Variants in PLCB1 observed in about 807,000 individuals in gnomAD.
PLCB1 encodes 1-phosphatidylinositol 4,5-bisphosphate phosphodiesterase beta-1.
A neutral mutation model predicts 161.8 loss-of-function variants in PLCB1; 46 were observed. That is an observed-to-expected ratio of 0.28 (90% confidence interval 0.22 to 0.36). The LOEUF (loss-of-function observed/expected upper bound fraction) is 0.36. Among genes scored for constraint, PLCB1 ranks in the 10% least tolerant of loss-of-function variants. The probability of loss-of-function intolerance (pLI) is 1.00; values close to 1 mark genes in which losing one functional copy is unlikely to be tolerated. For missense variants in PLCB1, 1,016 were observed against 1,472.5 expected (o/e 0.69, Z 5.07); for synonymous variants, 517 against 503.7 (o/e 1.03, Z -0.35).
At chr20:8,468,526 T>C (rs1029762206) in intron 3 of PLCB1, among the ~76,000 whole-genome samples, 3 of 152,180 alleles carry the variant, frequency 2.0e-5, no homozygotes, top group African/African-American at 7.2e-5. Context: ...TAAGGCATAA[T>C]GGAGTGATGT....
chr20:8,512,778 C>A (rs554761161), intron 3 of PLCB1, among the ~76,000 whole-genome samples: 1 of 152,102 alleles, frequency 6.6e-6, no homozygotes, highest in Non-Finnish European at 1.5e-5. Flanking sequence ...CATTACCTCA[C>A]GTACTTATCA....
chr20:8,416,158 T>C (rs1203568101), intron 3 of PLCB1, among the ~76,000 whole-genome samples: 1 of 152,246 alleles, frequency 6.6e-6, no homozygotes, highest in Non-Finnish European at 1.5e-5. Flanking sequence ...GAGTTACTTC[T>C]AAATTCAAGG....
chr20:8,534,248 C>A (rs1370422576), intron 3 of PLCB1, among the ~76,000 whole-genome samples: 2 of 152,160 alleles, frequency 1.3e-5, no homozygotes, highest in African/African-American at 4.8e-5. Flanking sequence ...CAGGTACAGG[C>A]GCTGCCATGC....
intron 26 of PLCB1, among the ~76,000 whole-genome samples, chr20:8,766,664 C>T (rs370707798): frequency 2.7e-4 from 41 of 152,224 alleles, no homozygotes; most frequent in Admixed American, 8.5e-4. Context: ...ATTGATATGG[C>T]GAAATTTGAG....
At chr20:8,283,323 T>C (rs1353851633) in intron 2 of PLCB1, among the ~76,000 whole-genome samples, 1 of 152,084 alleles carries the variant, frequency 6.6e-6, no homozygotes, top group Non-Finnish European at 1.5e-5. Flanking sequence ...TGCAAAAAAG[T>C]ATAAAGAAGA....
Position 8,742,272 on chromosome 20 carries a change from T to A in PLCB1, c.2523+699T>A, listed in dbSNP as rs145865637. Reference sequence around the variant, plus strand: ...CTAATATTAAAAATAGTGATAAAAATTTGCTATTTTCATATTTTATTCAGA... The same window carrying A: ...CTAATATTAAAAATAGTGATAAAAAATTGCTATTTTCATATTTTATTCAGA... On this transcript the variant is annotated intron_variant, in intron 23 of 31. Coordinates refer to ENST00000338037, the MANE Select transcript of PLCB1 (RefSeq NM_015192.4). 7.5e-3 allele frequency among the ~76,000 whole-genome samples: 1,146 copies of A among 152,128 alleles called. 11 individuals are homozygous for A. Among genetic ancestry groups the A allele is most frequent in the African/African-American group, 0.026 (1,091 of 41,520 alleles).
At chr20:8,743,267 A>C in intron 23 of PLCB1, among the ~76,000 whole-genome samples, 1 of 152,064 alleles carries the variant, frequency 6.6e-6, no homozygotes, top group East Asian at 1.9e-4. Context: ...ATCAGAAGGG[A>C]TGTTGAATTT....
At chr20:8,437,975 C>A (rs1171938379) in intron 3 of PLCB1, among the ~76,000 whole-genome samples, 1 of 151,950 alleles carries the variant, frequency 6.6e-6, no homozygotes, top group Non-Finnish European at 1.5e-5. Flanking sequence ...GTAATCACTC[C>A]CTGAAACATA....
chr20:8,612,458 A>C (rs1220428155), intron 3 of PLCB1, among the ~76,000 whole-genome samples: 1 of 152,136 alleles, frequency 6.6e-6, no homozygotes, highest in African/African-American at 2.4e-5. Context: ...TGGTTGTTTC[A>C]CTGCTTAACC....
intron 3 of PLCB1, among the ~76,000 whole-genome samples, chr20:8,398,376 T>C (rs971428841): frequency 1.6e-4 from 24 of 152,184 alleles, no homozygotes; most frequent in Admixed American, 6.5e-5. Context: ...ATTATAAATA[T>C]GTCTTAGTCA....
At chr20:8,443,673 C>CAGA (rs1980671772) in intron 3 of PLCB1, among the ~76,000 whole-genome samples, 2 of 152,202 alleles carry the variant, frequency 1.3e-5, no homozygotes, top group Admixed American at 1.3e-4. Flanking sequence ...TATTGGAGGG[C>CAGA]AGAAGAAGAG....
chr20:8,663,505 T>G (rs1374528253), intron 9 of PLCB1, among the ~76,000 whole-genome samples: 1 of 152,020 alleles, frequency 6.6e-6, no homozygotes, highest in Non-Finnish European at 1.5e-5. Flanking sequence ...GAAGAGACAA[T>G]AGACTTTGAT....
chr20:8,720,948 T>G (rs994695315), intron 14 of PLCB1, among the ~76,000 whole-genome samples: 6 of 152,082 alleles, frequency 3.9e-5, no homozygotes, highest in Non-Finnish European at 7.4e-5. Context: ...TCTCTAATAT[T>G]GTAGTAAGAT....
At chr20:8,478,540 A>G (rs1347809366) in intron 3 of PLCB1, among the ~76,000 whole-genome samples, 2 of 152,184 alleles carry the variant, frequency 1.3e-5, no homozygotes, top group Non-Finnish European at 2.9e-5. Flanking sequence ...CAGGAAACAA[A>G]TAATAATGAG....
chr20:8,264,123 G>C (rs1461915161), intron 2 of PLCB1, among the ~76,000 whole-genome samples: 1 of 152,048 alleles, frequency 6.6e-6, no homozygotes, highest in East Asian at 1.9e-4. Context: ...TATTCTATAA[G>C]TTTCTTCAAT....
intron 3 of PLCB1, among the ~76,000 whole-genome samples, chr20:8,581,590 G>C (rs1438603414): frequency 6.6e-6 from 1 of 152,276 alleles, no homozygotes; most frequent in Non-Finnish European, 1.5e-5. Flanking sequence ...GGAAGGTAAA[G>C]TATTAAACAT....
intron 2 of PLCB1, among the ~76,000 whole-genome samples, chr20:8,190,220 A>G (rs1352821192): frequency 2.6e-5 from 4 of 152,072 alleles, no homozygotes; most frequent in Non-Finnish European, 4.4e-5. Context: ...CATGGTATAC[A>G]TTCCTAATGC....
At chr20:8,213,969 A>G (rs1426055663) in intron 2 of PLCB1, among the ~76,000 whole-genome samples, 1 of 152,044 alleles carries the variant, frequency 6.6e-6, no homozygotes, top group Non-Finnish European at 1.5e-5. Flanking sequence ...TAGTGTCACA[A>G]CTAGCAGTTC....
In PLCB1 at chr20:8,881,930, G is replaced by C. The variant is rs989380102; in HGVS notation, c.*81G>C. On this transcript the variant is annotated 3_prime_UTR_variant, in exon 32 of 32. Transcript: ENST00000338037. ...CTCTTATTACAAAGATCACTGCCCAGGACCATCTTCCCGAGAAGCATCCCT... is the reference window on the plus strand; with the variant it reads ...CTCTTATTACAAAGATCACTGCCCACGACCATCTTCCCGAGAAGCATCCCT... The C allele has an allele frequency of 1.1e-6, 1 of 915,816 alleles. No individual in the cohort carries two copies. The highest frequency in any genetic ancestry group is 1.7e-6 in the Non-Finnish European group (1 of 575,898). The allele number at this position is 915,816 out of a possible 1,614,324, so 56.7% of individuals were successfully genotyped here.
Sources: gnomAD v4.1 joint callset for allele counts (sites outside exome capture counted in the v4.1 genomes callset) on GRCh38, gnomAD v4.1.1 for gene constraint, MANE v1.5 for transcripts, NCBI Gene and HGNC (gene_info 2026-07-23, HGNC 2026-07-21) for gene names.